The following TEAD1 variants were observed in gnomAD, a reference collection of about 807,000 sequenced individuals.
The protein encoded by TEAD1 is TEA domain transcription factor 1, also known as transcriptional enhancer factor TEF-1.
Under a neutral mutation model 54.9 loss-of-function variants are expected in TEAD1, and 9 were observed. The observed-to-expected ratio is 0.16, with a 90% CI of 0.10 to 0.29. The LOEUF (loss-of-function observed/expected upper bound fraction) is 0.29. TEAD1 is among the 10% of genes least tolerant of loss of function. TEAD1 has a pLI of 1.00. For synonymous variants in TEAD1, 200 were observed against 187.8 expected (o/e 1.07, Z -0.53); for missense variants, 387 against 535.9 (o/e 0.72, Z 2.74).
At chr11:12,758,897 C>T (rs573843754) in intron 2 of TEAD1, among the ~76,000 whole-genome samples, 4 of 152,254 alleles carry the variant, frequency 2.6e-5, no homozygotes, top group Admixed American at 2.0e-4. Context: ...TGGCTTCCTC[C>T]AGGGTTAATG....
chr11:12,770,187 G>T (rs1349863974), intron 3 of TEAD1, among the ~76,000 whole-genome samples: 1 of 152,216 alleles, frequency 6.6e-6, no homozygotes, highest in African/African-American at 2.4e-5. Context: ...GTTCCTGTGA[G>T]AATAGCAGGG....
rs1241919942 is a variant in TEAD1 at position 12,879,981 on chromosome 11, C to G, written c.465+139C>G. On this transcript the variant is annotated intron_variant, in intron 6 of 12. Coordinates refer to ENST00000527636, the MANE Select transcript of TEAD1 (RefSeq NM_021961.6). ...CAAAGGCTACCTTGTCAACTGATAA[C>G]TGAGTCTAAAGTGGTGAAAGTAAGG... The G allele has an allele frequency of 3.0e-6, 4 of 1,312,218 alleles. No homozygotes were observed. The South Asian group carries it at 5.2e-5, about 17-fold the overall frequency. 81.3% of individuals were successfully genotyped at this position (1,312,218 alleles called of 1,614,324 possible).
intron 3 of TEAD1, among the ~76,000 whole-genome samples, chr11:12,811,953 C>T (rs1462500948): frequency 2.6e-5 from 4 of 152,136 alleles, no homozygotes; most frequent in South Asian, 2.1e-4. Flanking sequence ...ACCGGTAGGA[C>T]GTAGTCTCTT....
At chr11:12,843,681 T>C (rs1947085569) in intron 3 of TEAD1, among the ~76,000 whole-genome samples, 1 of 152,254 alleles carries the variant, frequency 6.6e-6, no homozygotes, top group South Asian at 2.1e-4. Context: ...TTTCAGTTTG[T>C]GTTTTAAAAA....
chr11:12,944,722 A>C lies in TEAD1; in HGVS notation c.*7500A>C, dbSNP rs866827713. On this transcript the variant is annotated 3_prime_UTR_variant, in exon 13 of 13. Transcript: ENST00000527636. ...ACGGTATCAATGAAAAATAAAGAAA[A>C]TGAAAGTGTGGGTCACCTTTTTTAT... Among the ~76,000 whole-genome samples the C allele has an allele frequency of 2.6e-5, 4 of 152,190 alleles. No individual in the cohort carries two copies. The highest frequency in any genetic ancestry group is 5.9e-5 in the Non-Finnish European group (4 of 68,040).
intron 2 of TEAD1, among the ~76,000 whole-genome samples, chr11:12,732,651 CG>C (rs376652475): frequency 6.6e-6 from 1 of 152,216 alleles, no homozygotes; most frequent in Non-Finnish European, 1.5e-5. Context: ...AGATGCATTT[CG>C]ATGTCCTCCA....
At chr11:12,929,163 CGTGTGTGTGTGT>C (rs60060462) in intron 11 of TEAD1, among the ~76,000 whole-genome samples, 2 of 106,726 alleles carry the variant, frequency 1.9e-5, no homozygotes, top group South Asian at 7.7e-4. Flanking sequence ...TTTGCTTTGC[CGTGTGTGTGTGT>C]GTGTGTGTGT....
chr11:12,864,109 C>G (rs1050377316), intron 4 of TEAD1, among the ~76,000 whole-genome samples: 4 of 151,702 alleles, frequency 2.6e-5, no homozygotes, highest in Non-Finnish European at 4.4e-5. Flanking sequence ...CTGGGTCTTT[C>G]CATTTCTCTT....
At chr11:12,743,312 C>CTGT (rs1451205258) in intron 2 of TEAD1, among the ~76,000 whole-genome samples, 15 of 152,086 alleles carry the variant, frequency 9.9e-5, no homozygotes, top group Non-Finnish European at 2.9e-5. Flanking sequence ...ACAGGTAAAC[C>CTGT]AATACGAGGG....
intron 9 of TEAD1, among the ~76,000 whole-genome samples, chr11:12,892,084 C>G (rs1039527357): frequency 1.3e-5 from 2 of 152,224 alleles, no homozygotes; most frequent in African/African-American, 4.8e-5. Flanking sequence ...TAAATATATC[C>G]TGCAGATAAC....
chr11:12,783,711 T>C (rs982296465), intron 3 of TEAD1, among the ~76,000 whole-genome samples: 7 of 152,050 alleles, frequency 4.6e-5, no homozygotes, highest in African/African-American at 1.7e-4. Flanking sequence ...CCCTCAGGGA[T>C]GGACAAAGTG....
At chr11:12,917,476 T>C (rs1450778643) in intron 10 of TEAD1, among the ~76,000 whole-genome samples, 1 of 152,194 alleles carries the variant, frequency 6.6e-6, no homozygotes, top group Non-Finnish European at 1.5e-5. Context: ...GCAGAGAAAA[T>C]TAATATAACA....
At chr11:12,900,964 C>G (rs1948416253) in intron 9 of TEAD1, among the ~76,000 whole-genome samples, 1 of 152,158 alleles carries the variant, frequency 6.6e-6, no homozygotes, top group Non-Finnish European at 1.5e-5. Flanking sequence ...GAGAGGCATG[C>G]CCGAAGAGTC....
chr11:12,682,496 G>A (rs1324607763), intron 2 of TEAD1, among the ~76,000 whole-genome samples: 1 of 152,220 alleles, frequency 6.6e-6, no homozygotes, highest in Non-Finnish European at 1.5e-5. Context: ...GCTCCTAGAG[G>A]TCGTTGGGTG....
intron 2 of TEAD1, among the ~76,000 whole-genome samples, chr11:12,745,145 G>A (rs150934242): frequency 6.6e-6 from 1 of 152,344 alleles, no homozygotes; most frequent in Non-Finnish European, 1.5e-5. Flanking sequence ...CCTCCTGTAA[G>A]TGACCAGGCA....
At chr11:12,915,060 G>C (rs1948685613) in intron 10 of TEAD1, among the ~76,000 whole-genome samples, 1 of 152,194 alleles carries the variant, frequency 6.6e-6, no homozygotes, top group South Asian at 2.1e-4. Context: ...GTTGGGGACA[G>C]TCCTCTTGAT....
chr11:12,695,942 A>G (rs1371844059), intron 2 of TEAD1, among the ~76,000 whole-genome samples: 1 of 152,212 alleles, frequency 6.6e-6, no homozygotes, highest in Non-Finnish European at 1.5e-5. Context: ...GATTCCTGCT[A>G]AGAACTCTTC....
Position 12,930,175 on chromosome 11 carries a change from C to T in TEAD1, c.1016C>T (p.Thr339Met), listed in dbSNP as rs776134890. 1.2e-5 allele frequency: 20 copies of T among 1,614,088 alleles called. No homozygotes were observed. The highest frequency in any genetic ancestry group is 3.3e-5 in the Admixed American group (2 of 60,016). ...ACTGAAATCCTTTTTTCCTCACAGA[C>T]GGAGTATGCAAGGTTTGAGAATGGC... Residue 339 changes from threonine to methionine, a missense_variant and splice_region_variant, in exon 12 of 13, where the codon ACG becomes ATG. Transcript: ENST00000527636.
chr11:12,868,070 T>G (rs535751425), intron 5 of TEAD1, among the ~76,000 whole-genome samples: 1 of 152,356 alleles, frequency 6.6e-6, no homozygotes, highest in South Asian at 2.1e-4. Context: ...TGCATTTGTC[T>G]GTCCCTCTGT....
Sources: allele counts gnomAD v4.1 joint callset (sites outside exome capture counted in the v4.1 genomes callset), GRCh38; gene constraint gnomAD v4.1.1; transcripts MANE v1.5; gene names NCBI Gene and HGNC (gene_info 2026-07-23, HGNC 2026-07-21).